Variants in SAMSN1 observed in about 807,000 individuals in gnomAD.
SAMSN1 encodes SAM domain-containing protein SAMSN-1.
SAMSN1 carries 31 observed loss-of-function variants against 42.0 expected under a neutral mutation model. The ratio of observed to expected loss-of-function variants is 0.74; its 90% CI spans 0.55 to 1.00. The LOEUF is 1.00. Among genes scored for constraint, SAMSN1 ranks in the 50% least tolerant of loss-of-function variants. The pLI is 0.00. For synonymous variants in SAMSN1, 178 were observed against 151.9 expected (o/e 1.17, Z -1.26); for missense variants, 464 against 439.4 (o/e 1.06, Z -0.50).
Position 14,486,027 on chromosome 21 carries a change from C to T in SAMSN1, c.1007G>A (p.Arg336Lys), listed in dbSNP as rs374258880. The T allele has an allele frequency of 6.2e-7, 1 of 1,613,576 alleles. No homozygotes were observed. The highest frequency in any genetic ancestry group is 2.2e-5 in the East Asian group (1 of 44,850). Reference protein sequence around the residue: ...LNKSQLDDCPRDSGCYISSGN... With the variant: ...LNKSQLDDCPKDSGCYISSGN... Reference sequence around the variant, plus strand: ...TGATGAGATATAGCAACCAGAGTCCCTTGGGCAGTCATCTAACTGTGACTT... The same window carrying T: ...TGATGAGATATAGCAACCAGAGTCCTTTGGGCAGTCATCTAACTGTGACTT... Residue 336 changes from arginine (R) to lysine (K), a missense_variant, in exon 8 of 8, where the codon AGG becomes AAG. Arg to Lys is a conservative substitution (Grantham distance 26). Coordinates refer to ENST00000400566, the MANE Select transcript of SAMSN1 (RefSeq NM_022136.5).
At chr21:14,498,327 G>T in intron 7 of SAMSN1, 115 bp downstream of exon 7, 2 of 829,174 alleles carry the variant, frequency 2.4e-6, no homozygotes, top group Non-Finnish European at 1.9e-6. Flanking sequence ...CTATTTTATG[G>T]GAAAGCGTGC....
intron 2 of SAMSN1, among the ~76,000 whole-genome samples, chr21:14,629,632 C>T (rs914788870): frequency 6.6e-6 from 1 of 152,212 alleles, no homozygotes; most frequent in South Asian, 2.1e-4. Context: ...CACACAGCCT[C>T]TCATCGCAGG....
chr21:14,622,038 C>T (rs1983025806), intron 2 of SAMSN1, among the ~76,000 whole-genome samples: 1 of 152,216 alleles, frequency 6.6e-6, no homozygotes, highest in African/African-American at 2.4e-5. Context: ...CTCCAGCAAA[C>T]ACCAACATAC....
At chr21:14,498,403 G>T (rs1474428477) in intron 7 of SAMSN1, 39 bp downstream of exon 7, 4 of 1,553,736 alleles carry the variant, frequency 2.6e-6, no homozygotes, top group South Asian at 2.4e-5. Context: ...ACATTAAACT[G>T]ATTATCAGCT....
upstream of SAMSN1, among the ~76,000 whole-genome samples, chr21:14,585,758 A>T (rs772884690): frequency 2.0e-5 from 3 of 152,218 alleles, no homozygotes; most frequent in Non-Finnish European, 2.9e-5. Context: ...GAATGTAAAT[A>T]CAATCCTAAT....
intron 3 of SAMSN1, among the ~76,000 whole-genome samples, chr21:14,613,663 G>C (rs1025617159): frequency 6.6e-6 from 1 of 151,822 alleles, no homozygotes; most frequent in African/African-American, 2.4e-5. Context: ...GACATCTCTT[G>C]GCACATAGCA....
chr21:14,511,012 C>T (rs1600876953), intron 4 of SAMSN1, among the ~76,000 whole-genome samples: 1 of 152,256 alleles, frequency 6.6e-6, no homozygotes, highest in Middle Eastern at 3.4e-3. Flanking sequence ...TCTTAAACTT[C>T]AGGAAACAGA....
chr21:14,644,433 G>A (rs62227249), intron 1 of SAMSN1, among the ~76,000 whole-genome samples: 4,673 of 152,080 alleles, frequency 0.031, 83 homozygotes, highest in Middle Eastern at 0.075. Flanking sequence ...GAAGGAAACC[G>A]CTGCCCTGAA....
At chr21:14,492,356 G>T (rs1371506441) in intron 7 of SAMSN1, among the ~76,000 whole-genome samples, 8 of 152,168 alleles carry the variant, frequency 5.3e-5, no homozygotes, top group Admixed American at 5.2e-4. Context: ...TGTGAGGTGG[G>T]ATTGCAGGCA....
intron 5 of SAMSN1, among the ~76,000 whole-genome samples, chr21:14,607,818 A>G (rs937239073): frequency 3.9e-5 from 6 of 152,248 alleles, no homozygotes; most frequent in Non-Finnish European, 7.3e-5. Context: ...AAAAATTTAC[A>G]TCTAAAATAA....
intron 2 of SAMSN1, among the ~76,000 whole-genome samples, chr21:14,556,641 C>A (rs1980771160): frequency 6.6e-6 from 1 of 152,134 alleles, no homozygotes; most frequent in Non-Finnish European, 1.5e-5. Context: ...TCCCACCCAA[C>A]ACACACAAAG....
At chr21:14,618,707 C>CGT (rs1387562090) in intron 2 of SAMSN1, among the ~76,000 whole-genome samples, 2 of 146,316 alleles carry the variant, frequency 1.4e-5, no homozygotes, top group Non-Finnish European at 3.0e-5. Context: ...CGCGCGCACG[C>CGT]GCGTGTGTGT....
intron 2 of SAMSN1, among the ~76,000 whole-genome samples, chr21:14,580,150 CAGAG>C (rs5842491): frequency 0.38 from 57,730 of 151,772 alleles, 11,688 homozygotes; most frequent in Non-Finnish European, 0.46. Flanking sequence ...TGGGTTCTAA[CAGAG>C]AGAATTCACA....
chr21:14,532,022 A>G (rs949980847), intron 1 of SAMSN1, among the ~76,000 whole-genome samples: 2 of 152,062 alleles, frequency 1.3e-5, no homozygotes, highest in Non-Finnish European at 2.9e-5. Context: ...CTTTTAAATG[A>G]GTGTGTCTGA....
At chr21:14,605,136 T>C (rs905113987) in intron 5 of SAMSN1, among the ~76,000 whole-genome samples, 1 of 152,216 alleles carries the variant, frequency 6.6e-6, no homozygotes, top group Non-Finnish European at 1.5e-5. Context: ...TTATTTCTAA[T>C]CAGCTTTTAG....
intron 1 of SAMSN1, among the ~76,000 whole-genome samples, chr21:14,524,572 A>T (rs550344226): frequency 6.6e-6 from 1 of 152,190 alleles, no homozygotes; most frequent in African/African-American, 2.4e-5. Flanking sequence ...GCAAAATTAC[A>T]TATACATTTG....
chr21:14,648,672 C>T (rs1983767763), intron 1 of SAMSN1, among the ~76,000 whole-genome samples: 2 of 150,370 alleles, frequency 1.3e-5, no homozygotes, highest in Non-Finnish European at 3.0e-5. Context: ...TGAAAAAATG[C>T]TCATCATCAC....
intron 1 of SAMSN1, among the ~76,000 whole-genome samples, chr21:14,648,298 C>T (rs941479797): frequency 6.6e-6 from 1 of 152,114 alleles, no homozygotes; most frequent in Non-Finnish European, 1.5e-5. Context: ...AAACGTTAGA[C>T]CTAAAACCAT....
At chr21:14,645,467 C>T (rs564093469) in intron 1 of SAMSN1, among the ~76,000 whole-genome samples, 1 of 152,236 alleles carries the variant, frequency 6.6e-6, no homozygotes, top group Non-Finnish European at 1.5e-5. Context: ...CTTGGGATAT[C>T]CCCTAAAGCA....
Sources: allele counts gnomAD v4.1 joint callset (sites outside exome capture counted in the v4.1 genomes callset), GRCh38; gene constraint gnomAD v4.1.1; transcripts MANE v1.5; gene names NCBI Gene and HGNC (gene_info 2026-07-23, HGNC 2026-07-21).